Variants in BCO2 observed in about 807,000 individuals in gnomAD.
The protein encoded by BCO2 is carotenoid-cleaving dioxygenase, mitochondrial.
Under a neutral mutation model 65.8 loss-of-function variants are expected in BCO2, and 56 were observed. The observed-to-expected ratio is 0.85, with a 90% CI of 0.69 to 1.06. The LOEUF (loss-of-function observed/expected upper bound fraction) is 1.06, where lower values mean the gene tolerates loss of function less well. Among genes scored for constraint, BCO2 ranks in the 50% least tolerant of loss-of-function variants. The probability of loss-of-function intolerance (pLI) is 0.00; values close to 1 mark genes in which losing one functional copy is unlikely to be tolerated. For missense variants in BCO2, 675 were observed against 698.5 expected (o/e 0.97, Z 0.38); for synonymous variants, 233 against 242.3 (o/e 0.96, Z 0.36).
intron 1 of BCO2, chr11:112,176,382 GT>G (rs1178519007): frequency 6.6e-6 from 1 of 152,086 alleles, no homozygotes; most frequent in African/African-American, 2.4e-5. Flanking sequence ...AGGAGAATCA[GT>G]TCTTGCTGTA....
At chr11:112,209,583 A>G (rs1343141993) in intron 8 of BCO2, among the ~76,000 whole-genome samples, 1 of 152,246 alleles carries the variant, frequency 6.6e-6, no homozygotes, top group Non-Finnish European at 1.5e-5. Context: ...TTATTAGATT[A>G]GGAGAGTTCC....
chr11:112,199,611 T>C (rs1867674278), intron 5 of BCO2, 88 bp from the exon 6 acceptor site: 1 of 1,208,572 alleles, frequency 8.3e-7, no homozygotes, highest in African/African-American at 1.5e-5. Flanking sequence ...AATCTCTTAA[T>C]TGCTTTTGGC....
chr11:112,202,193 A>T lies in BCO2; in HGVS notation c.1194+3A>T. Reference sequence around the variant, plus strand: ...AGGCTGGGGAAGGGCTTGATCAGGTAAACATTAGAATTTGTCAAGAGTCAT... The same window carrying T: ...AGGCTGGGGAAGGGCTTGATCAGGTTAACATTAGAATTTGTCAAGAGTCAT... On this transcript the variant is annotated splice_donor_region_variant and intron_variant, in intron 8 of 11. Coordinates refer to ENST00000357685, the MANE Select transcript of BCO2 (RefSeq NM_031938.7). 1 of 1,603,188 alleles carries T rather than the reference A, an allele frequency of 6.2e-7. No individual in the cohort carries two copies. Among genetic ancestry groups the T allele is most frequent in the Non-Finnish European group, 8.5e-7 (1 of 1,176,856 alleles).
At chr11:112,195,274 G>A (rs1867538160) in intron 5 of BCO2, among the ~76,000 whole-genome samples, 1 of 151,188 alleles carries the variant, frequency 6.6e-6, no homozygotes, top group African/African-American at 2.4e-5. Context: ...AGCTGGGACT[G>A]CAGGTGTCCT....
In BCO2 at chr11:112,214,775, A is replaced by G; in HGVS notation, c.1346A>G (p.His449Arg). Residue 449 changes from histidine to arginine, a missense_variant, in exon 10 of 12, where the codon CAT becomes CGT. Physicochemically the swap from His to Arg is conservative, Grantham distance 29 (BLOSUM62 0). Coordinates refer to ENST00000357685, the MANE Select transcript of BCO2 (RefSeq NM_031938.7). ...KQADGTIWCS[H>R]ENLHQEDLEK... ...AATCTCTTTTAGATCTGGTGCTCTC[A>G]TGAAAATCTACATCAGGAGGACCTA... is the stretch of plus-strand genomic sequence containing the variant. 3 of 1,613,328 alleles carry G rather than the reference A, an allele frequency of 1.9e-6. No homozygotes were observed. The highest frequency in any genetic ancestry group is 1.3e-5 in the African/African-American group (1 of 75,034).
intron 1 of BCO2, 136 bp from the exon 2 acceptor site, chr11:112,179,142 T>C (rs1480064282): frequency 1.4e-6 from 1 of 713,206 alleles, no homozygotes; most frequent in Non-Finnish European, 2.3e-6. Flanking sequence ...AGAGAAGAAA[T>C]TTGGAGCCTG....
chr11:112,179,133 G>C, intron 1 of BCO2, 145 bp from the exon 2 acceptor site: 1 of 653,172 alleles, frequency 1.5e-6, no homozygotes, highest in East Asian at 2.8e-5. Flanking sequence ...AGGAAGGAGA[G>C]AGAAGAAATT....
chr11:112,182,144 CAAT>C, intron 2 of BCO2, among the ~76,000 whole-genome samples: 1 of 152,260 alleles, frequency 6.6e-6, no homozygotes, highest in African/African-American at 2.4e-5. Flanking sequence ...ATCAAAACCA[CAAT>C]GAGATACCAT....
At chr11:112,216,143 C>G in intron 10 of BCO2, 77 bp from the exon 11 acceptor site, 9 of 951,602 alleles carry the variant, frequency 9.5e-6, no homozygotes, top group Non-Finnish European at 1.5e-5. Context: ...CAAATTCATG[C>G]TTGGAGTGAC....
chr11:112,203,637 G>A (rs1867792286), intron 8 of BCO2, among the ~76,000 whole-genome samples: 1 of 152,126 alleles, frequency 6.6e-6, no homozygotes. Flanking sequence ...AAAAATCTCT[G>A]ATAGAATACA....
At chr11:112,194,190 A>C in intron 4 of BCO2, 196 bp downstream of exon 4, 1 of 533,928 alleles carries the variant, frequency 1.9e-6, no homozygotes, top group Admixed American at 3.1e-5. Flanking sequence ...ATAATTCTAA[A>C]CTCCTTCCTT....
intron 7 of BCO2, among the ~76,000 whole-genome samples, chr11:112,201,157 ATT>A (rs35679954): frequency 1.4e-5 from 2 of 147,974 alleles, no homozygotes; most frequent in Non-Finnish European, 3.0e-5. Context: ...TTTTTTTGAG[ATT>A]TTTTTTTTAG....
Position 112,182,872 on chromosome 11 carries a change from A to G in BCO2, c.293+3390A>G, listed in dbSNP as rs554306705. 13 of 1,144,262 alleles carry G rather than the reference A, an allele frequency of 1.1e-5. No homozygotes were observed. The Admixed American group carries it at 1.5e-4, about 14-fold the overall frequency. 70.9% of individuals were successfully genotyped at this position (1,144,262 alleles called of 1,614,324 possible). ...ATATATAAAAAGATGCTCTGTTCTA[A>G]TGTGGAAGGAGCATCCCTGAAACTG... On this transcript the variant is annotated intron_variant, in intron 2 of 11. Coordinates refer to ENST00000357685, the MANE Select transcript of BCO2 (RefSeq NM_031938.7).
chr11:112,214,555 T>C (rs1859602801), intron 9 of BCO2, among the ~76,000 whole-genome samples: 1 of 152,238 alleles, frequency 6.6e-6, no homozygotes, highest in African/African-American at 2.4e-5. Context: ...ACCTCCTATG[T>C]CATTTGACAG....
chr11:112,193,869 T>C lies in BCO2; in HGVS notation c.518-10T>C, dbSNP rs1219303659. The C allele has an allele frequency of 1.7e-5, 27 of 1,564,690 alleles. No homozygotes were observed. Among genetic ancestry groups the C allele is most frequent in the Non-Finnish European group, 2.3e-5 (26 of 1,135,120 alleles). ...TGTGGTACTTAAATAACTCTAGGGT[T>C]TGGTTTCAGCCATGACTGACAATAC... On this transcript the variant is annotated splice_polypyrimidine_tract_variant and intron_variant, in intron 3 of 11. Transcript: ENST00000357685.
At chr11:112,208,643 T>C in intron 8 of BCO2, 1 of 225,702 alleles carries the variant, frequency 4.4e-6, no homozygotes, top group Middle Eastern at 5.0e-4. Flanking sequence ...GTTCAGGTAG[T>C]CAAGCCACAT....
At chr11:112,213,425 G>T (rs1186018866) in intron 8 of BCO2, among the ~76,000 whole-genome samples, 1 of 151,966 alleles carries the variant, frequency 6.6e-6, no homozygotes, top group Non-Finnish European at 1.5e-5. Context: ...TTACAGGAAT[G>T]AGCCACCGCA....
At chr11:112,217,118 T>A (rs1403003396) in intron 11 of BCO2, among the ~76,000 whole-genome samples, 1 of 152,228 alleles carries the variant, frequency 6.6e-6, no homozygotes, top group Non-Finnish European at 1.5e-5. Flanking sequence ...AGTTTCTGTC[T>A]TTTAGAAGAT....
chr11:112,181,330 C>T (rs1406453003), intron 2 of BCO2, among the ~76,000 whole-genome samples: 3 of 148,484 alleles, frequency 2.0e-5, no homozygotes, highest in African/African-American at 7.4e-5. Flanking sequence ...TACAGGCGCC[C>T]GCCACTACGC....
Sources: gnomAD v4.1 joint callset for allele counts (sites outside exome capture counted in the v4.1 genomes callset) on GRCh38, gnomAD v4.1.1 for gene constraint, MANE v1.5 for transcripts, NCBI Gene and HGNC (gene_info 2026-07-23, HGNC 2026-07-21) for gene names.